EYS: variants seen among roughly 807,000 people sequenced by gnomAD.
The protein encoded by EYS is protein eyes shut homolog.
A neutral mutation model predicts 282.1 loss-of-function variants in EYS; 250 were observed. That is an observed-to-expected ratio of 0.89 (90% CI 0.80 to 0.98). EYS has a LOEUF of 0.98. Ranked by LOEUF, EYS falls within the 50% of genes least tolerant of loss-of-function variation. The pLI is 0.00. For missense variants in EYS, 4,016 were observed against 3,709.0 expected (o/e 1.08, Z -2.15); for synonymous variants, 1,355 against 1,282.9 (o/e 1.06, Z -1.20).
intron 41 of EYS, among the ~76,000 whole-genome samples, chr6:63,735,166 CTTTTG>C (rs772089404): frequency 6.6e-6 from 1 of 151,984 alleles, no homozygotes; most frequent in Non-Finnish European, 1.5e-5. Flanking sequence ...ACCTTTGAAG[CTTTTG>C]TTTTGTTTTG....
In EYS at chr6:63,757,338, C is replaced by T. The variant is rs188243362; in HGVS notation, c.8071+5123G>A. Among the ~76,000 whole-genome samples, 6 of 151,948 alleles carry T rather than the reference C, an allele frequency of 3.9e-5. No homozygotes were observed. In the East Asian group the frequency reaches 1.2e-3, roughly 30 times the overall value. ...GGCTTACTAGGGTGGGGAAGAAACC[C>T]CACCCTGGTAAATTTGAGGTCTGAC... On this transcript the variant is annotated intron_variant, in intron 41 of 42. Coordinates refer to ENST00000503581, the MANE Select transcript of EYS (RefSeq NM_001142800.2).
chr6:64,349,940 A>G (rs1467880386), intron 29 of EYS, among the ~76,000 whole-genome samples: 2 of 151,530 alleles, frequency 1.3e-5, no homozygotes, highest in Non-Finnish European at 3.0e-5. Context: ...CAAATGCTTC[A>G]GATTTTTATT....
At chr6:64,470,168 C>CG (rs1159220626) in intron 26 of EYS, among the ~76,000 whole-genome samples, 1 of 152,114 alleles carries the variant, frequency 6.6e-6, no homozygotes, top group African/African-American at 2.4e-5. Context: ...AGTGGTCCCC[C>CG]GGGCCCAGTT....
chr6:65,104,058 TAAC>T (rs747002907), intron 12 of EYS, among the ~76,000 whole-genome samples: 2 of 151,590 alleles, frequency 1.3e-5, no homozygotes, highest in African/African-American at 2.4e-5. Flanking sequence ...ACCTAAGAAT[TAAC>T]AACAAGGTTG....
At chr6:65,374,860 G>A (rs1363061318) in intron 8 of EYS, among the ~76,000 whole-genome samples, 3 of 152,110 alleles carry the variant, frequency 2.0e-5, no homozygotes, top group South Asian at 4.2e-4. Flanking sequence ...GGGCATCTCC[G>A]AAAGAAAGGC....
intron 22 of EYS, among the ~76,000 whole-genome samples, chr6:64,786,244 C>T (rs1485067269): frequency 4.2e-5 from 6 of 141,672 alleles, no homozygotes; most frequent in African/African-American, 1.6e-4. Context: ...CAAAAAGGGG[C>T]AAGAAGGAAG....
At chr6:65,107,360 T>C (rs1258964278) in intron 12 of EYS, among the ~76,000 whole-genome samples, 1 of 150,242 alleles carries the variant, frequency 6.7e-6, no homozygotes, top group Non-Finnish European at 1.5e-5. Context: ...GAGGACTATT[T>C]GCCCACCTTT....
At chr6:65,235,789 G>T (rs571049409) in intron 12 of EYS, among the ~76,000 whole-genome samples, 85 of 151,946 alleles carry the variant, frequency 5.6e-4, no homozygotes, top group Admixed American at 1.2e-3. Flanking sequence ...GTAGTACTTT[G>T]TAATAATCAT....
At chr6:65,364,107 T>C (rs988468165) in intron 8 of EYS, among the ~76,000 whole-genome samples, 7 of 149,676 alleles carry the variant, frequency 4.7e-5, no homozygotes, top group Non-Finnish European at 8.9e-5. Flanking sequence ...TGGATGTTTT[T>C]TCTTAAATAT....
rs1350368637 is a variant in EYS at position 65,693,115 on chromosome 6, TAAC to T, written c.-448+14017_-448+14019del. ...AGCATTCTATCAAATTTCCCAATAATAACAAGAAGTCAAATAGATTTCATCGCT... is the reference window on the plus strand; with the variant it reads ...AGCATTCTATCAAATTTCCCAATAATAAGAAGTCAAATAGATTTCATCGCT... On this transcript the variant is annotated intron_variant, in intron 1 of 42. Coordinates refer to ENST00000503581, the MANE Select transcript of EYS (RefSeq NM_001142800.2). Among the ~76,000 whole-genome samples, 10 of 150,088 alleles carry T rather than the reference TAAC, an allele frequency of 6.7e-5. 1 individual carries two copies. In the East Asian group the frequency reaches 2.3e-3, roughly 34 times the overall value.
At chr6:65,121,600 G>T (rs990620431) in intron 12 of EYS, among the ~76,000 whole-genome samples, 7 of 152,142 alleles carry the variant, frequency 4.6e-5, no homozygotes, top group Non-Finnish European at 2.9e-5. Context: ...GGGGGAGTGA[G>T]TGATTAGAGA....
intron 30 of EYS, among the ~76,000 whole-genome samples, chr6:64,273,109 G>T (rs1767995243): frequency 1.3e-5 from 2 of 152,046 alleles, no homozygotes; most frequent in African/African-American, 4.8e-5. Flanking sequence ...TCATTACCAT[G>T]ATGAATGGAA....
intron 31 of EYS, among the ~76,000 whole-genome samples, chr6:64,205,856 TAGAG>T (rs35786372): frequency 1.0e-3 from 150 of 149,160 alleles, no homozygotes; most frequent in African/African-American, 2.8e-3. Context: ...TATATATATA[TAGAG>T]AGAGAGAGAG....
intron 12 of EYS, among the ~76,000 whole-genome samples, chr6:65,291,918 T>C (rs1768537627): frequency 6.6e-6 from 1 of 151,586 alleles, no homozygotes; most frequent in Non-Finnish European, 1.5e-5. Context: ...GACGTGATCC[T>C]ACAATATGTC....
At chr6:64,260,948 T>C (rs1237227688) in intron 30 of EYS, among the ~76,000 whole-genome samples, 1 of 151,962 alleles carries the variant, frequency 6.6e-6, no homozygotes, top group African/African-American at 2.4e-5. Flanking sequence ...GATGTTTTTA[T>C]ACAAGTATAC....
At chr6:64,133,511 CA>C (rs1445731429) in intron 31 of EYS, among the ~76,000 whole-genome samples, 1 of 148,906 alleles carries the variant, frequency 6.7e-6, no homozygotes, top group Non-Finnish European at 1.5e-5. Context: ...CACACACACA[CA>C]CACAGAGAAA....
At chr6:65,554,027 C>T (rs1254036903) in intron 2 of EYS, among the ~76,000 whole-genome samples, 1 of 152,030 alleles carries the variant, frequency 6.6e-6, no homozygotes, top group East Asian at 1.9e-4. Flanking sequence ...AGGGCTCTGC[C>T]TTTATGAGAG....
intron 16 of EYS, among the ~76,000 whole-genome samples, chr6:64,907,258 C>A (rs1341875354): frequency 6.6e-6 from 1 of 152,050 alleles, no homozygotes; most frequent in South Asian, 2.1e-4. Context: ...TTATGTTGAC[C>A]AAGCTGGTCT....
intron 22 of EYS, among the ~76,000 whole-genome samples, chr6:64,626,558 C>T (rs2149857172): frequency 6.6e-6 from 1 of 152,214 alleles, no homozygotes; most frequent in Non-Finnish European, 1.5e-5. Context: ...CTTACAAGCA[C>T]AGAAGACAGA....
Sources: allele counts gnomAD v4.1 joint callset (sites outside exome capture counted in the v4.1 genomes callset), GRCh38; gene constraint gnomAD v4.1.1; transcripts MANE v1.5; gene names NCBI Gene and HGNC (gene_info 2026-07-23, HGNC 2026-07-21).